PISD: variants seen among roughly 807,000 people sequenced by gnomAD.
PISD encodes the protein phosphatidylserine decarboxylase proenzyme, mitochondrial.
PISD carries 31 observed loss-of-function variants against 43.5 expected under a neutral mutation model. That is an observed-to-expected ratio of 0.71 (90% CI 0.54 to 0.96). The LOEUF (loss-of-function observed/expected upper bound fraction) is 0.96. Among genes scored for constraint, PISD ranks in the 40% least tolerant of loss-of-function variants. The pLI is 0.00. For missense variants in PISD, 523 were observed against 548.4 expected, an observed-to-expected ratio of 0.95 and a Z score of 0.46; for synonymous variants, 259 against 228.7, an observed-to-expected ratio of 1.13 and a Z score of -1.20.
chr22:31,648,706 G>T (rs1330771891), intron 2 of PISD, among the ~76,000 whole-genome samples: 8 of 151,660 alleles, frequency 5.3e-5, no homozygotes. Flanking sequence ...GAGGTGACTG[G>T]ACCCTCAACA....
Position 31,637,157 on chromosome 22 carries a change from AAAAAAAAATATATATATATATATATAT to A in PISD, c.321+10917_321+10943del, listed in dbSNP as rs1424141634. Among the ~76,000 whole-genome samples the A allele has an allele frequency of 6.5e-4, 24 of 36,960 alleles. 2 individuals carry two copies. The East Asian group carries it at 6.9e-3, about 11-fold the overall frequency. 24.2% of individuals were successfully genotyped at this position (36,960 alleles called of 152,430 possible). A position where few individuals can be genotyped will look rare whatever the true frequency, so the allele number is the denominator to read the frequency against. On this transcript the variant is annotated intron_variant, in intron 3 of 7. Transcript: ENST00000439502. ...AATAAATAAATTAAAAAAAAAAAAA[AAAAAAAAATATATATATATATATATAT>A]ATATATATATATATATATATATAGA...
Position 31,620,697 on chromosome 22 carries a change from C to G in PISD, c.861G>C (p.Val287=), listed in dbSNP as rs2072507730. 6.2e-7 allele frequency: 1 copy of G among 1,614,122 alleles called. No individual in the cohort carries two copies. Among genetic ancestry groups the G allele is most frequent in the South Asian group, 1.1e-5 (1 of 91,092 alleles). Residue 287 remains valine (V), a synonymous_variant, in exon 7 of 8, where the codon GTG becomes GTC. Coordinates refer to ENST00000439502, the MANE Select transcript of PISD (RefSeq NM_001326411.2). ...RRHFPGSLMS[V]NPGMARWIKE... ...TGATCCAGCGAGCCATGCCAGGGTT[C>G]ACTGACATCAGGGAGCCTGCAGAGG...
intron 3 of PISD, among the ~76,000 whole-genome samples, chr22:31,639,017 C>T (rs1227021969): frequency 6.6e-6 from 1 of 151,512 alleles, no homozygotes; most frequent in Non-Finnish European, 1.5e-5. Context: ...CCCCCTGAGA[C>T]AGCGTCTCGC....
intron 1 of PISD, among the ~76,000 whole-genome samples, chr22:31,656,873 T>C (rs2147815083): frequency 6.6e-6 from 1 of 152,212 alleles, no homozygotes; most frequent in East Asian, 1.9e-4. Context: ...TCCCACATCA[T>C]TTAGTTCTCT....
intron 3 of PISD, among the ~76,000 whole-genome samples, chr22:31,640,900 T>TTTTTTTTTTTTTTTC (rs2073699879): frequency 9.3e-6 from 1 of 107,720 alleles, no homozygotes; most frequent in African/African-American, 3.8e-5. Context: ...TTTTTTTTTT[T>TTTTTTTTTTTTTTTC]TTTTGAGATG....
Position 31,621,777 on chromosome 22 carries a change from T to C in PISD, c.430A>G (p.Ile144Val). The change falls in exon 4 of 8, where the codon ATC becomes GTC. Residue 144 changes from isoleucine (I) to valine (V), a missense_variant. Transcript: ENST00000439502. ...WLRRPVYSLY[I>V]WTFGVNMKEA... ...TTCATGTTCACCCCAAACGTCCAGA[T>C]GTACAGGCTGTAGACGGGCCTGCGC... 1 of 1,614,082 alleles carries C rather than the reference T, an allele frequency of 6.2e-7. No individual in the cohort carries two copies. Among genetic ancestry groups the C allele is most frequent in the Middle Eastern group, 1.6e-4 (1 of 6,062 alleles).
intron 1 of PISD, among the ~76,000 whole-genome samples, chr22:31,658,708 T>A (rs1473971120): frequency 6.6e-6 from 1 of 151,532 alleles, no homozygotes; most frequent in Non-Finnish European, 1.5e-5. Context: ...CACCCAGCCA[T>A]TTTTTGCGGA....
intron 3 of PISD, among the ~76,000 whole-genome samples, chr22:31,639,026 G>A (rs1335897464): frequency 1.3e-5 from 2 of 150,792 alleles, no homozygotes; most frequent in South Asian, 2.1e-4. Flanking sequence ...ACAGCGTCTC[G>A]CTCTGTCACC....
intron 3 of PISD, among the ~76,000 whole-genome samples, chr22:31,632,846 C>T (rs545175485): frequency 6.6e-5 from 10 of 152,252 alleles, no homozygotes; most frequent in East Asian, 3.9e-4. Context: ...TTTAAAAGTT[C>T]GGTGATGTTT....
Position 31,621,646 on chromosome 22 carries a change from C to CAA in PISD, c.558+2_558+3insTT, listed in dbSNP as rs1458243654. 6.2e-7 allele frequency: 1 copy of CAA among 1,611,660 alleles called. No individual in the cohort carries two copies. Among genetic ancestry groups the CAA allele is most frequent in the Admixed American group, 1.7e-5 (1 of 60,016 alleles). ...CCTGCAGGAGGAAAGGGTCAGGCCT[C>CAA]ACCACGCTGTGCAGGCCACAGACAG... On this transcript the variant is annotated splice_region_variant and intron_variant, in intron 4 of 7. Coordinates refer to ENST00000439502, the MANE Select transcript of PISD (RefSeq NM_001326411.2).
intron 3 of PISD, chr22:31,625,958 C>G (rs980408836): frequency 6.4e-5 from 95 of 1,480,072 alleles, no homozygotes; most frequent in Non-Finnish European, 8.2e-5. Context: ...TTGGTGGCGC[C>G]GCTTCCTGGG....
intron 3 of PISD, among the ~76,000 whole-genome samples, chr22:31,639,043 G>A (rs1215999209): frequency 6.6e-6 from 1 of 151,590 alleles, no homozygotes; most frequent in African/African-American, 2.4e-5. Context: ...CACCAGGCTG[G>A]AGTGCAGTGG....
chr22:31,629,015 A>G (rs1168007416), intron 3 of PISD: 1 of 985,356 alleles, frequency 1.0e-6, no homozygotes, highest in Admixed American at 6.1e-5. Context: ...ATAGGACCGT[A>G]TAGGGGGTAG....
chr22:31,631,503 G>A (rs554971345), intron 3 of PISD, among the ~76,000 whole-genome samples: 1 of 152,300 alleles, frequency 6.6e-6, no homozygotes, highest in East Asian at 1.9e-4. Flanking sequence ...AACAAGGTCC[G>A]ACCGCCCCAG....
At chr22:31,652,165 G>A (rs1432613715) in intron 1 of PISD, among the ~76,000 whole-genome samples, 1 of 152,046 alleles carries the variant, frequency 6.6e-6, no homozygotes, top group Non-Finnish European at 1.5e-5. Flanking sequence ...GTCTGTGACA[G>A]AGTCTCACTC....
chr22:31,643,017 G>A (rs1167915731), intron 3 of PISD, among the ~76,000 whole-genome samples: 1 of 149,460 alleles, frequency 6.7e-6, no homozygotes, highest in Non-Finnish European at 1.5e-5. Flanking sequence ...CAGGAAAATT[G>A]CTTGAACCCG....
At position 31,626,001 on chromosome 22, in the gene PISD, G is replaced by T. The variant is rs998691138; in HGVS notation, c.322-4116C>A. On this transcript the variant is annotated intron_variant, in intron 3 of 7. Coordinates refer to ENST00000439502, the MANE Select transcript of PISD (RefSeq NM_001326411.2). The stretch of plus-strand genomic sequence containing the variant: ...CAGTCTCGGTGGCTCACAGGGTGCA[G>T]AATAGAGGGTCAGGGCTATTGCAGA... 6 of 1,450,452 alleles carry T rather than the reference G, an allele frequency of 4.1e-6. No individual in the cohort carries two copies. In the African/African-American group the frequency reaches 8.6e-5, roughly 21 times the overall value. The allele number at this position is 1,450,452 out of a possible 1,614,324, so 89.8% of individuals were successfully genotyped here.
intron 3 of PISD, among the ~76,000 whole-genome samples, chr22:31,644,890 C>T (rs1013522987): frequency 6.6e-6 from 1 of 152,022 alleles, no homozygotes; most frequent in African/African-American, 2.4e-5. Flanking sequence ...TTTCGGAGGC[C>T]GAGGCGGGTG....
intron 2 of PISD, among the ~76,000 whole-genome samples, chr22:31,650,150 C>T (rs1309428757): frequency 6.6e-6 from 1 of 152,092 alleles, no homozygotes; most frequent in Non-Finnish European, 1.5e-5. Flanking sequence ...CACAATGAGA[C>T]CCCTTCACAC....
Sources: allele counts gnomAD v4.1 joint callset (sites outside exome capture counted in the v4.1 genomes callset), GRCh38; gene constraint gnomAD v4.1.1; transcripts MANE v1.5; gene names NCBI Gene and HGNC (gene_info 2026-07-23, HGNC 2026-07-21).